The following ALG12 variants were observed in gnomAD, a reference collection of about 807,000 sequenced individuals.
ALG12 encodes dol-P-Man:Man(7)GlcNAc(2)-PP-Dol alpha-1,6-mannosyltransferase.
Under a neutral mutation model 46.0 loss-of-function variants are expected in ALG12, and 36 were observed. That is an observed-to-expected ratio of 0.78 (90% CI 0.60 to 1.03). The LOEUF is 1.03. ALG12 is among the 50% of genes least tolerant of loss of function. The pLI, the probability that ALG12 is intolerant of heterozygous loss-of-function variation, is 0.00. For missense variants in ALG12, 599 were observed against 633.5 expected (o/e 0.95, Z 0.58); for synonymous variants, 326 against 291.6 (o/e 1.12, Z -1.20).
the ALG12 span, among the ~76,000 whole-genome samples, chr22:49,877,830 G>A: frequency 1.4e-3 from 211 of 152,196 alleles, no homozygotes; most frequent in African/African-American, 5.0e-3. Context: ...CCTCCCGCCA[G>A]CACAGACCTG....
the ALG12 span, chr22:49,884,625 C>T: frequency 1.2e-6 from 2 of 1,612,670 alleles, no homozygotes; most frequent in Admixed American, 1.7e-5. Context: ...ATGGGAAGGA[C>T]CTGGGCACGA....
the ALG12 span, chr22:49,885,723 C>T: frequency 1.9e-6 from 3 of 1,606,528 alleles, no homozygotes; most frequent in Admixed American, 3.4e-5. Flanking sequence ...TGCTTGAATA[C>T]TTGAAACCTC....
the ALG12 span, among the ~76,000 whole-genome samples, chr22:49,893,721 C>T: frequency 1.9e-3 from 294 of 152,234 alleles, 8 homozygotes; most frequent in African/African-American, 6.7e-3. Flanking sequence ...GGAGCAGAAA[C>T]GGGAAAGCTA....
At chr22:49,871,718 T>C in the ALG12 span, among the ~76,000 whole-genome samples, 1 of 151,344 alleles carries the variant, frequency 6.6e-6, no homozygotes, top group Non-Finnish European at 1.5e-5. Context: ...TGCAGATTGC[T>C]GAAGGGTGGG....
the ALG12 span, among the ~76,000 whole-genome samples, chr22:49,879,161 CAA>C: frequency 1.4e-5 from 2 of 144,286 alleles, no homozygotes; most frequent in East Asian, 2.2e-4. Flanking sequence ...AAACAAAAAA[CAA>C]AAAAAAACAG....
At chr22:49,880,528 T>G in the ALG12 span, among the ~76,000 whole-genome samples, 1 of 152,248 alleles carries the variant, frequency 6.6e-6, no homozygotes, top group Non-Finnish European at 1.5e-5. Context: ...TTCACACTTC[T>G]GTGATCACTG....
the ALG12 span, among the ~76,000 whole-genome samples, chr22:49,865,695 C>T: frequency 6.6e-6 from 1 of 151,844 alleles, no homozygotes; most frequent in African/African-American, 2.4e-5. Flanking sequence ...CACATTGGGT[C>T]CTCATGTTTC....
At chr22:49,898,084 T>C (rs2060490895), downstream of ALG12, among the ~76,000 whole-genome samples, 1 of 151,376 alleles carries the variant, frequency 6.6e-6, no homozygotes, top group African/African-American at 2.4e-5. Flanking sequence ...TGCCCAGCCT[T>C]GACCTCCTGG....
chr22:49,891,407 T>A, the ALG12 span, among the ~76,000 whole-genome samples: 1 of 152,216 alleles, frequency 6.6e-6, no homozygotes, highest in East Asian at 1.9e-4. Flanking sequence ...TGGCTATTGT[T>A]CTGTTAATCG....
the ALG12 span, chr22:49,883,722 A>G: frequency 1.2e-6 from 2 of 1,607,514 alleles, no homozygotes; most frequent in African/African-American, 2.7e-5. Flanking sequence ...CTGATAAAAT[A>G]AAGTTTAAAA....
At chr22:49,865,494 A>G in the ALG12 span, among the ~76,000 whole-genome samples, 1 of 148,056 alleles carries the variant, frequency 6.8e-6, no homozygotes, top group Non-Finnish European at 1.5e-5. Context: ...ATTAAAATAC[A>G]AAAAAAAAAA....
chr22:49,902,685 CTG>C lies in ALG12; in HGVS notation c.*1151_*1152del, dbSNP rs1161863646. ...TATGCATGGTGTGTGCACGTGTGCA[CTG>C]TGTATGCATAGTGTGTGCACGTGTG... On this transcript the variant is annotated 3_prime_UTR_variant, in exon 10 of 10. Coordinates refer to ENST00000330817, the MANE Select transcript of ALG12 (RefSeq NM_024105.4). 7 of 128,140 alleles carry C rather than the reference CTG, an allele frequency of 5.5e-5. No homozygotes were observed. The highest frequency in any genetic ancestry group is 1.0e-4 in the African/African-American group (3 of 29,926). 7.9% of individuals were successfully genotyped at this position (128,140 alleles called of 1,614,324 possible).
At chr22:49,892,636 C>CT in the ALG12 span, among the ~76,000 whole-genome samples, 1 of 152,204 alleles carries the variant, frequency 6.6e-6, no homozygotes, top group African/African-American at 2.4e-5. Flanking sequence ...TGAGAAAACT[C>CT]TGAGGTTTCC....
chr22:49,886,410 T>C, the ALG12 span: 1 of 1,603,292 alleles, frequency 6.2e-7, no homozygotes, highest in African/African-American at 1.3e-5. The surrounding 1 kb of genome is among the most constrained non-coding windows in gnomAD (Gnocchi z 7.7). Flanking sequence ...CCGTCGAGTG[T>C]AACTTCCGAG....
the ALG12 span, among the ~76,000 whole-genome samples, chr22:49,861,381 A>T: frequency 8.5e-5 from 13 of 152,236 alleles, no homozygotes; most frequent in East Asian, 1.9e-3. Flanking sequence ...GCTGCAAATG[A>T]TCTGCCTGCC....
chr22:49,882,213 C>T, the ALG12 span, among the ~76,000 whole-genome samples: 5 of 152,192 alleles, frequency 3.3e-5, no homozygotes, highest in Non-Finnish European at 4.4e-5. Context: ...CCCTGTGTCC[C>T]TTGAAGAGTT....
rs752634210 is a variant in ALG12 at position 49,910,417 on chromosome 22, G to C, written c.469+17C>G. The C allele has an allele frequency of 6.2e-7, 1 of 1,612,254 alleles. No homozygotes were observed. Among genetic ancestry groups the C allele is most frequent in the South Asian group, 1.1e-5 (1 of 90,942 alleles). ...CCCGGCACCATGGGTGTGCAGGCCC[G>C]GCCGGCAGCTACGTACCTACAGGCA... On this transcript the variant is annotated intron_variant, in intron 4 of 9. Transcript: ENST00000330817.
In ALG12 at chr22:49,917,983, T is replaced by TCCGGCC. The variant is rs1601831790; in HGVS notation, c.-79+279_-79+280insGGCCGG. On this transcript the variant is annotated intron_variant, in intron 1 of 9. Coordinates refer to ENST00000330817, the MANE Select transcript of ALG12 (RefSeq NM_024105.4). Reference sequence around the variant, plus strand: ...GAGGAGCCCGGCCCCAGGTGAGAGGTCCAGCCCCAGGTGAGAGGTCGGGCC... The same window carrying TCCGGCC: ...GAGGAGCCCGGCCCCAGGTGAGAGGTCCGGCCCCAGCCCCAGGTGAGAGGTCGGGCC... Among the ~76,000 whole-genome samples, 786 of 91,848 alleles carry TCCGGCC rather than the reference T, an allele frequency of 8.6e-3. 1 individual carries two copies. Among genetic ancestry groups the TCCGGCC allele is most frequent in the Middle Eastern group, 0.029 (5 of 174 alleles). The allele number at this position is 91,848 out of a possible 152,430, so 60.3% of individuals were successfully genotyped here.
At chr22:49,882,146 G>C in the ALG12 span, among the ~76,000 whole-genome samples, 1 of 152,164 alleles carries the variant, frequency 6.6e-6, no homozygotes, top group Non-Finnish European at 1.5e-5. Flanking sequence ...CTCCCTGTGG[G>C]GGTGACCCAT....
Sources: allele counts gnomAD v4.1 joint callset (sites outside exome capture counted in the v4.1 genomes callset), GRCh38; gene constraint gnomAD v4.1.1; non-coding constraint Gnocchi (gnomAD v3.1); transcripts MANE v1.5; gene names NCBI Gene and HGNC (gene_info 2026-07-23, HGNC 2026-07-21).